The following PCDHGA6 variants were observed in gnomAD, a reference collection of about 807,000 sequenced individuals.
PCDHGA6 encodes the protein protocadherin gamma-A6.
A neutral mutation model predicts 60.6 loss-of-function variants in PCDHGA6; 41 were observed. The observed-to-expected ratio is 0.68, with a 90% CI of 0.53 to 0.88. The LOEUF (loss-of-function observed/expected upper bound fraction) is 0.88, where lower values mean the gene tolerates loss of function less well. PCDHGA6 is among the 40% of genes least tolerant of loss of function. The pLI is 0.00. For synonymous variants in PCDHGA6, 594 were observed against 524.4 expected, an observed-to-expected ratio of 1.13 and a Z score of -1.81; for missense variants, 1,312 against 1,203.0, an observed-to-expected ratio of 1.09 and a Z score of -1.34.
At chr5:141,495,277 G>A (rs2099760037) in intron 2 of PCDHGA6, among the ~76,000 whole-genome samples, 1 of 152,168 alleles carries the variant, frequency 6.6e-6, no homozygotes, top group African/African-American at 2.4e-5. Context: ...ACCGGAGGAG[G>A]CGGTCCGCAC....
rs761189685 is a variant in PCDHGA6 at position 141,404,203 on chromosome 5, A to G, written c.2424+27696A>G. On this transcript the variant is annotated intron_variant, in intron 1 of 3. Coordinates refer to ENST00000517434, the MANE Select transcript of PCDHGA6 (RefSeq NM_018919.3). Reference sequence around the variant, plus strand: ...TTCTTGACCGAGAAAAAGCCTCAGAATATAATATCACGGTGACTGCAACAG... The same window carrying G: ...TTCTTGACCGAGAAAAAGCCTCAGAGTATAATATCACGGTGACTGCAACAG... 11 of 1,613,806 alleles carry G rather than the reference A, an allele frequency of 6.8e-6. No individual in the cohort carries two copies. In the South Asian group the frequency reaches 1.2e-4, roughly 18 times the overall value.
At chr5:141,461,430 A>G (rs1239117668) in intron 1 of PCDHGA6, among the ~76,000 whole-genome samples, 2 of 151,992 alleles carry the variant, frequency 1.3e-5, no homozygotes, top group African/African-American at 4.8e-5. Context: ...GGCCATTTGT[A>G]TACCTTCTTT....
At position 141,387,650 on chromosome 5, in the gene PCDHGA6, G is replaced by C. The variant is rs116225244; in HGVS notation, c.2424+11143G>C. 2,320 of 639,876 alleles carry C rather than the reference G, an allele frequency of 3.6e-3. 38 individuals are homozygous for C. The highest frequency in any genetic ancestry group is 0.034 in the African/African-American group (1,854 of 54,556). 39.6% of individuals were successfully genotyped at this position (639,876 alleles called of 1,614,324 possible). A position where few individuals can be genotyped will look rare whatever the true frequency, so the allele number is the denominator to read the frequency against. Reference sequence around the variant, plus strand: ...CTGGGCGCCGCTGTTGGCCAAAGTGGAGAGCTTGGCGCTCCAGATCTCCTC... The same window carrying C: ...CTGGGCGCCGCTGTTGGCCAAAGTGCAGAGCTTGGCGCTCCAGATCTCCTC... On this transcript the variant is annotated intron_variant, in intron 1 of 3. Coordinates refer to ENST00000517434, the MANE Select transcript of PCDHGA6 (RefSeq NM_018919.3).
chr5:141,511,537 A>G lies in PCDHGA6; in HGVS notation c.*364A>G. 2 of 319,256 alleles carry G rather than the reference A, an allele frequency of 6.3e-6. No individual in the cohort carries two copies. Among genetic ancestry groups the G allele is most frequent in the South Asian group, 3.3e-5 (1 of 29,854 alleles). 19.8% of individuals were successfully genotyped at this position (319,256 alleles called of 1,614,324 possible). A position where few individuals can be genotyped will look rare whatever the true frequency, so the allele number is the denominator to read the frequency against. On this transcript the variant is annotated 3_prime_UTR_variant, in exon 4 of 4. Coordinates refer to ENST00000517434, the MANE Select transcript of PCDHGA6 (RefSeq NM_018919.3). ...TCCATCCCATGCCTCCCTCCTCCCC[A>G]CCCCACTCCAACAGTTCCTCTTTCC... is the stretch of plus-strand genomic sequence containing the variant.
chr5:141,403,620 C>T (rs1561689160), intron 1 of PCDHGA6: 1 of 1,613,916 alleles, frequency 6.2e-7, no homozygotes, highest in Non-Finnish European at 8.5e-7. Context: ...CCGCGTCGCT[C>T]CAGCACAGTG....
chr5:141,457,649 A>C (rs1303184316), intron 1 of PCDHGA6, among the ~76,000 whole-genome samples: 1 of 152,282 alleles, frequency 6.6e-6, no homozygotes, highest in Non-Finnish European at 1.5e-5. Context: ...TATTTGCATG[A>C]AGTGCAGCAA....
At chr5:141,452,017 C>T (rs181614467) in intron 1 of PCDHGA6, among the ~76,000 whole-genome samples, 10 of 152,344 alleles carry the variant, frequency 6.6e-5, no homozygotes, top group Non-Finnish European at 1.2e-4. Flanking sequence ...CCAGCCCACA[C>T]TCTGGGGAGA....
chr5:141,405,005 G>C (rs1358521218), intron 1 of PCDHGA6: 7 of 1,613,830 alleles, frequency 4.3e-6, no homozygotes, highest in African/African-American at 2.7e-5. Context: ...TGCAGACCTG[G>C]AGGCCTCAGA....
Position 141,384,133 on chromosome 5 carries a change from C to T in PCDHGA6, c.2424+7626C>T, listed in dbSNP as rs770731491. 9.3e-6 allele frequency: 15 copies of T among 1,611,570 alleles called. No individual in the cohort carries two copies. Among genetic ancestry groups the T allele is most frequent in the Admixed American group, 1.7e-5 (1 of 59,646 alleles). On this transcript the variant is annotated intron_variant, in intron 1 of 3. Coordinates refer to ENST00000517434, the MANE Select transcript of PCDHGA6 (RefSeq NM_018919.3). ...ATTGGTCACAACCAAAAACTTGGAC[C>T]GGGAAACACTCTCTTTGTATAACAT... is the stretch of plus-strand genomic sequence containing the variant.
At chr5:141,390,505 A>T in intron 1 of PCDHGA6, 1 of 600,954 alleles carries the variant, frequency 1.7e-6, no homozygotes, top group South Asian at 2.1e-5. Context: ...CCAAGCTTAG[A>T]TTTATAAAGC....
rs2099884060 is a variant in PCDHGA6 at position 141,512,057 on chromosome 5, A to T, written c.*884A>T. 1 of 152,768 alleles carries T rather than the reference A, an allele frequency of 6.5e-6. No individual in the cohort carries two copies. Among genetic ancestry groups the T allele is most frequent in the South Asian group, 2.1e-4 (1 of 4,832 alleles). 9.5% of individuals were successfully genotyped at this position (152,768 alleles called of 1,614,324 possible). ...GGCTCTGTATGTCCTCAGGGGACTG[A>T]CAACATCCTCCAGATTCCAGCCATA... is the stretch of plus-strand genomic sequence containing the variant. On this transcript the variant is annotated 3_prime_UTR_variant, in exon 4 of 4. Coordinates refer to ENST00000517434, the MANE Select transcript of PCDHGA6 (RefSeq NM_018919.3).
chr5:141,454,796 A>ATTTTTCT (rs2098799790), intron 1 of PCDHGA6, among the ~76,000 whole-genome samples: 1 of 77,408 alleles, frequency 1.3e-5, no homozygotes, highest in African/African-American at 5.9e-5. Context: ...CATGGTTCTA[A>ATTTTTCT]TTTTTTTTTT....
At chr5:141,495,089 C>G (rs1440289878) in intron 2 of PCDHGA6, among the ~76,000 whole-genome samples, 2 of 152,284 alleles carry the variant, frequency 1.3e-5, no homozygotes, top group East Asian at 3.9e-4. Flanking sequence ...TGCCCCTTCC[C>G]TCCTCGCCAC....
In PCDHGA6 at chr5:141,404,687, C is replaced by T. The variant is rs190249934; in HGVS notation, c.2424+28180C>T. 2,728 of 1,614,088 alleles carry T rather than the reference C, an allele frequency of 1.7e-3. 3 individuals carry two copies. Among genetic ancestry groups the T allele is most frequent in the Non-Finnish European group, 2.2e-3 (2,615 of 1,179,946 alleles). On this transcript the variant is annotated intron_variant, in intron 1 of 3. Coordinates refer to ENST00000517434, the MANE Select transcript of PCDHGA6 (RefSeq NM_018919.3). ...TGGTTCTACTGGTGTGGAGCTGGCA[C>T]CCCGCTCTGCAGAGCCTGGCTACCT...
At chr5:141,394,938 G>T (rs367656720) in intron 1 of PCDHGA6, 1 of 1,613,662 alleles carries the variant, frequency 6.2e-7, no homozygotes, top group Non-Finnish European at 8.5e-7. Context: ...CGCCTTTGTC[G>T]CTGTGCTTCT....
chr5:141,416,006 G>A, intron 1 of PCDHGA6: 1 of 253,216 alleles, frequency 3.9e-6, no homozygotes, highest in Non-Finnish European at 7.3e-6. Context: ...GGTCTGGTAA[G>A]AATAGGTAAG....
At position 141,374,884 on chromosome 5, in the gene PCDHGA6, C is replaced by A; in HGVS notation, c.801C>A (p.Thr267=). 1.9e-6 allele frequency: 3 copies of A among 1,613,714 alleles called. No homozygotes were observed. Among genetic ancestry groups the A allele is most frequent in the Non-Finnish European group, 1.7e-6 (2 of 1,179,896 alleles). ...VGTPVLAVTA[T]DQDEGVHGEV... ...CACCAGTGTTGGCAGTGACTGCCAC[C>A]GACCAGGATGAAGGAGTCCACGGGG... The change falls in exon 1 of 4, where the codon ACC becomes ACA. Residue 267 remains threonine (T), a synonymous_variant. Transcript: ENST00000517434.
intron 1 of PCDHGA6, among the ~76,000 whole-genome samples, chr5:141,449,978 T>A (rs1025332419): frequency 6.6e-6 from 1 of 151,030 alleles, no homozygotes; most frequent in Non-Finnish European, 1.5e-5. Context: ...GTCCAAAATA[T>A]CACACATTGC....
At chr5:141,426,879 G>C (rs1222564201) in intron 1 of PCDHGA6, 3 of 456,710 alleles carry the variant, frequency 6.6e-6, no homozygotes, top group Non-Finnish European at 1.3e-5. Context: ...GAAGCCCCTG[G>C]GCCAGGAGCA....
Sources: gnomAD v4.1 joint callset for allele counts (sites outside exome capture counted in the v4.1 genomes callset) on GRCh38, gnomAD v4.1.1 for gene constraint, MANE v1.5 for transcripts, NCBI Gene and HGNC (gene_info 2026-07-23, HGNC 2026-07-21) for gene names.